The following GTF2IRD1 variants were observed in gnomAD, a reference collection of about 807,000 sequenced individuals.
GTF2IRD1 encodes the protein general transcription factor II-I repeat domain-containing protein 1.
Under a neutral mutation model 113.2 loss-of-function variants are expected in GTF2IRD1, and 26 were observed. The ratio of observed to expected loss-of-function variants is 0.23; its 90% CI spans 0.17 to 0.32. The LOEUF is 0.32. GTF2IRD1 is among the 10% of genes least tolerant of loss of function. The probability of loss-of-function intolerance (pLI) is 1.00; values close to 1 mark genes in which losing one functional copy is unlikely to be tolerated. For missense variants in GTF2IRD1, 864 were observed against 1,280.8 expected (o/e 0.67, Z 4.97); for synonymous variants, 484 against 529.1 (o/e 0.91, Z 1.17).
chr7:74,598,738 G>A (rs1265304420), intron 25 of GTF2IRD1, among the ~76,000 whole-genome samples: 1 of 152,136 alleles, frequency 6.6e-6, no homozygotes, highest in East Asian at 1.9e-4. Flanking sequence ...CTCCAATGTG[G>A]CCATCTCTCA....
At chr7:74,589,966 C>T (rs200183702) in intron 23 of GTF2IRD1, 38 bp downstream of exon 23, 3 of 1,388,588 alleles carry the variant, frequency 2.2e-6, no homozygotes, top group Non-Finnish European at 3.1e-6. Context: ...ACCAAGCCCT[C>T]CTCCCGGGGG....
intron 14 of GTF2IRD1, among the ~76,000 whole-genome samples, chr7:74,543,902 A>G (rs1309017350): frequency 1.4e-5 from 2 of 145,812 alleles, no homozygotes; most frequent in Admixed American, 1.4e-4. Context: ...AAAAACAATT[A>G]GCTGGATGTG....
At chr7:74,534,267 G>A (rs587638419) in intron 9 of GTF2IRD1, among the ~76,000 whole-genome samples, 17 of 152,288 alleles carry the variant, frequency 1.1e-4, no homozygotes, top group South Asian at 6.2e-4. Context: ...CTCCAAGACC[G>A]CCCCAGGGGT....
chr7:74,535,745 A>G (rs1488656764), intron 10 of GTF2IRD1, among the ~76,000 whole-genome samples: 1 of 152,160 alleles, frequency 6.6e-6, no homozygotes, highest in Non-Finnish European at 1.5e-5. Flanking sequence ...TTCAGTGTCC[A>G]CGTCTGTGAG....
chr7:74,482,274 C>G (rs554766593), intron 1 of GTF2IRD1, among the ~76,000 whole-genome samples: 43 of 136,602 alleles, frequency 3.1e-4, no homozygotes, highest in African/African-American at 1.2e-3. Context: ...GTATCCCAGG[C>G]TGGAGTGCAG....
At chr7:74,589,459 A>G (rs1306396266) in intron 22 of GTF2IRD1, among the ~76,000 whole-genome samples, 1 of 152,108 alleles carries the variant, frequency 6.6e-6, no homozygotes, top group Non-Finnish European at 1.5e-5. Flanking sequence ...GCACTTTGGG[A>G]GGCTGAGGCG....
At chr7:74,554,445 G>A (rs1473084263) in intron 17 of GTF2IRD1, among the ~76,000 whole-genome samples, 15 of 152,182 alleles carry the variant, frequency 9.9e-5, no homozygotes, top group African/African-American at 9.7e-5. Flanking sequence ...GCTTCCGACT[G>A]CAGTAACACA....
At chr7:74,564,969 G>A (rs1554360253) in intron 22 of GTF2IRD1, among the ~76,000 whole-genome samples, 1 of 152,092 alleles carries the variant, frequency 6.6e-6, no homozygotes, top group Non-Finnish European at 1.5e-5. Context: ...CAGGTCAAGG[G>A]AGCTGTGGGC....
Position 74,490,287 on chromosome 7 carries a change from A to G in GTF2IRD1, c.-6-17788A>G, listed in dbSNP as rs184081858. 1.9e-4 allele frequency among the ~76,000 whole-genome samples: 29 copies of G among 151,848 alleles called. No individual in the cohort carries two copies. The East Asian group carries it at 4.7e-3, about 24-fold the overall frequency. On this transcript the variant is annotated intron_variant, in intron 1 of 26. Coordinates refer to ENST00000424337, the MANE Select transcript of GTF2IRD1 (RefSeq NM_005685.4). ...TGAGACCCCAGGTGTCTTAACCATG[A>G]CCCCAGACTGCCTTCTACTGCACTG...
chr7:74,546,571 A>G (rs1456895604), intron 16 of GTF2IRD1, among the ~76,000 whole-genome samples: 1 of 152,090 alleles, frequency 6.6e-6, no homozygotes, highest in Admixed American at 6.6e-5. Context: ...CCTAAGACCC[A>G]CTTTACAGAT....
chr7:74,552,278 G>C (rs1162457591), intron 17 of GTF2IRD1, among the ~76,000 whole-genome samples: 1 of 152,144 alleles, frequency 6.6e-6, no homozygotes, highest in African/African-American at 2.4e-5. Flanking sequence ...AGCACTTTGT[G>C]GGGGTTGAGG....
chr7:74,591,088 G>T, intron 24 of GTF2IRD1, 71 bp downstream of exon 24: 2 of 1,112,028 alleles, frequency 1.8e-6, no homozygotes, highest in South Asian at 1.4e-5. Context: ...TCAAGGTCAC[G>T]GTGGGTCAGC....
Position 74,454,074 on chromosome 7 carries a change from C to A in GTF2IRD1, c.-109C>A. The A allele has an allele frequency of 6.6e-6, 1 of 151,272 alleles. No homozygotes were observed. Among genetic ancestry groups the A allele is most frequent in the South Asian group, 2.0e-4 (1 of 4,886 alleles). The allele number at this position is 151,272 out of a possible 1,614,324, so 9.4% of individuals were successfully genotyped here. On this transcript the variant is annotated 5_prime_UTR_variant, in exon 1 of 27. Transcript: ENST00000424337. ...TCGCCTCCCTCTGCCTCTCCTTCCC[C>A]CATTCTCCCGGATTAATTAAGGAGG...
intron 1 of GTF2IRD1, 35 bp from the exon 2 acceptor site, chr7:74,508,040 T>A: frequency 6.3e-7 from 1 of 1,586,260 alleles, no homozygotes; most frequent in South Asian, 1.1e-5. Context: ...CCCCCTGCCT[T>A]GTGCCCACCA....
chr7:74,533,738 G>A (rs782443535), intron 9 of GTF2IRD1, among the ~76,000 whole-genome samples: 10 of 152,046 alleles, frequency 6.6e-5, no homozygotes, highest in Non-Finnish European at 8.8e-5. Context: ...AGACACCTGT[G>A]AAGGGTCCCA....
At chr7:74,536,118 AGAG>A in intron 10 of GTF2IRD1, 46 bp from the exon 11 acceptor site, 1 of 1,157,540 alleles carries the variant, frequency 8.6e-7, no homozygotes, top group Non-Finnish European at 1.3e-6. Flanking sequence ...CTCTGCAGCA[AGAG>A]GAGGCCAGAG....
Position 74,515,472 on chromosome 7 carries a change from G to C in GTF2IRD1, c.297G>C (p.Glu99Asp), listed in dbSNP as rs1554344436. 6.2e-7 allele frequency: 1 copy of C among 1,605,988 alleles called. No individual in the cohort carries two copies. The highest frequency in any genetic ancestry group is 8.5e-7 in the Non-Finnish European group (1 of 1,175,524). The change falls in exon 4 of 27, where the codon GAG (glutamate) becomes GAC (aspartate). Residue 99 changes from glutamate to aspartate, a missense_variant. By Grantham distance (45) the Glu-to-Asp change is conservative. Transcript: ENST00000424337. ...RGPPWKDPEA[E>D]HPKKVQRGEG... ...CCCCGTGGAAGGATCCGGAGGCAGA[G>C]CACCCCAAGAAGGTGCAGCGGGGCG...
chr7:74,543,885 A>C (rs1401568159), intron 14 of GTF2IRD1, among the ~76,000 whole-genome samples: 4 of 150,260 alleles, frequency 2.7e-5, no homozygotes, highest in Non-Finnish European at 3.0e-5. Context: ...AAAAAAAAAA[A>C]AAAAAAAAAA....
At chr7:74,496,019 C>CGTGT (rs144413303) in intron 1 of GTF2IRD1, among the ~76,000 whole-genome samples, 40,461 of 151,708 alleles carry the variant, frequency 0.27, 6,182 homozygotes, top group East Asian at 0.44. Context: ...CTTGGACTAG[C>CGTGT]GTGTGTGTGA....
Sources: gnomAD v4.1 joint callset for allele counts (sites outside exome capture counted in the v4.1 genomes callset) on GRCh38, gnomAD v4.1.1 for gene constraint, MANE v1.5 for transcripts, NCBI Gene and HGNC (gene_info 2026-07-23, HGNC 2026-07-21) for gene names.